The following SIDT1 variants were observed in gnomAD, a reference collection of about 807,000 sequenced individuals.
The protein encoded by SIDT1 is SID1 transmembrane family member 1, also known as SID1 transmembrane family, member 1.
A neutral mutation model predicts 107.5 loss-of-function variants in SIDT1; 101 were observed. The ratio of observed to expected loss-of-function variants is 0.94; its 90% CI spans 0.80 to 1.11. The LOEUF (loss-of-function observed/expected upper bound fraction) is 1.11. Ranked by LOEUF, SIDT1 falls within the 50% of genes least tolerant of loss-of-function variation. SIDT1 has a pLI of 0.00. For synonymous variants in SIDT1, 395 were observed against 398.2 expected (o/e 0.99, Z 0.10); for missense variants, 1,076 against 1,058.2 (o/e 1.02, Z -0.23).
At chr3:113,549,797 T>C (rs914432213) in intron 1 of SIDT1, among the ~76,000 whole-genome samples, 16 of 152,220 alleles carry the variant, frequency 1.1e-4, no homozygotes, top group African/African-American at 3.1e-4. Flanking sequence ...TGGTGATGTA[T>C]ATAAAAAGCT....
At chr3:113,550,081 C>A (rs1940043850) in intron 1 of SIDT1, among the ~76,000 whole-genome samples, 1 of 152,176 alleles carries the variant, frequency 6.6e-6, no homozygotes, top group Non-Finnish European at 1.5e-5. Context: ...GAAGCAGCCC[C>A]ACACCTGGTG....
chr3:113,566,335 T>G, intron 1 of SIDT1, 85 bp from the exon 2 acceptor site: 1 of 1,307,206 alleles, frequency 7.6e-7, no homozygotes, highest in Non-Finnish European at 1.1e-6. Flanking sequence ...TGTTTGTGTG[T>G]GTTTGTGTGT....
In SIDT1 at chr3:113,607,097, C is replaced by G; in HGVS notation, c.1461C>G (p.His487Gln). Residue 487 changes from histidine (H) to glutamine (Q), a missense_variant, in exon 15 of 25, where the codon CAC (histidine) becomes CAG (glutamine). His to Gln is a conservative substitution (Grantham distance 24). Coordinates refer to ENST00000264852, the MANE Select transcript of SIDT1 (RefSeq NM_017699.3). ...DICYYNFLCA[H>Q]PLGVLSAFNN... ...GTTACTACAACTTCCTCTGTGCTCA[C>G]CCCTTGGGCGTCCTGAGGTAAACCC... is the stretch of plus-strand genomic sequence containing the variant. 2 of 1,612,028 alleles carry G rather than the reference C, an allele frequency of 1.2e-6. No individual in the cohort carries two copies. Among genetic ancestry groups the G allele is most frequent in the Non-Finnish European group, 1.7e-6 (2 of 1,178,182 alleles).
rs146789035 is a variant in SIDT1, at chr3:113,624,929, A to G, written c.2308-1173A>G. Among the ~76,000 whole-genome samples the G allele has an allele frequency of 5.0e-3, 765 of 152,198 alleles. 23 individuals carry two copies. The highest frequency in any genetic ancestry group is 0.047 in the Admixed American group (712 of 15,280). On this transcript the variant is annotated intron_variant, in intron 23 of 24. Coordinates refer to ENST00000264852, the MANE Select transcript of SIDT1 (RefSeq NM_017699.3). ...GTTTGTAGGTGTATGTACATTGTCT[A>G]TGTAGATATGTGTATCATATTGTCT...
the SIDT1 span, among the ~76,000 whole-genome samples, chr3:113,635,668 C>A: frequency 6.6e-6 from 1 of 151,956 alleles, no homozygotes; most frequent in African/African-American, 2.4e-5. Flanking sequence ...AGATCAAGAC[C>A]ATCCTGGATA....
At chr3:113,537,852 G>A (rs1023263564) in intron 1 of SIDT1, among the ~76,000 whole-genome samples, 1 of 152,120 alleles carries the variant, frequency 6.6e-6, no homozygotes, top group Non-Finnish European at 1.5e-5. Flanking sequence ...GCACGATCTC[G>A]GCTCATTGCA....
At chr3:113,535,483 TA>T (rs1938037327) in intron 1 of SIDT1, among the ~76,000 whole-genome samples, 2 of 152,238 alleles carry the variant, frequency 1.3e-5, no homozygotes, top group Admixed American at 1.3e-4. Context: ...ATTTGGTTTT[TA>T]TAAAAACACA....
chr3:113,544,574 G>C (rs1354123690), intron 1 of SIDT1, among the ~76,000 whole-genome samples: 2 of 152,118 alleles, frequency 1.3e-5, no homozygotes, highest in Non-Finnish European at 2.9e-5. Flanking sequence ...CATTTTTGAA[G>C]AGTATAGCCA....
chr3:113,570,306 C>T (rs771172821), intron 3 of SIDT1, among the ~76,000 whole-genome samples: 2 of 152,218 alleles, frequency 1.3e-5, no homozygotes, highest in Non-Finnish European at 2.9e-5. Flanking sequence ...TGTTACAGTA[C>T]TTGCACAGAG....
intron 1 of SIDT1, among the ~76,000 whole-genome samples, chr3:113,557,477 A>G (rs937701390): frequency 6.6e-6 from 1 of 152,168 alleles, no homozygotes; most frequent in Non-Finnish European, 1.5e-5. Flanking sequence ...GAAGAGGGAA[A>G]TTTGGACACA....
At position 113,585,225 on chromosome 3, in the gene SIDT1, CCTT is replaced by C. The variant is rs745699181; in HGVS notation, c.959_961del (p.Phe320del). Reference sequence around the variant, plus strand: ...CTTTTCAGTGTCTTCATCTTCCTGTCCTTCTACTTGGGATGCCTTCTTGTTGGG... The same window carrying C: ...CTTTTCAGTGTCTTCATCTTCCTGTCCTACTTGGGATGCCTTCTTGTTGGG... On this transcript the variant is annotated inframe_deletion, in exon 9 of 25. Coordinates refer to ENST00000264852, the MANE Select transcript of SIDT1 (RefSeq NM_017699.3). 1 of 1,613,506 alleles carries C rather than the reference CCTT, an allele frequency of 6.2e-7. No individual in the cohort carries two copies. Among genetic ancestry groups the C allele is most frequent in the African/African-American group, 1.3e-5 (1 of 74,824 alleles).
Position 113,533,246 on chromosome 3 carries a change from A to G in SIDT1, c.222+3A>G. 1 of 1,460,298 alleles carries G rather than the reference A, an allele frequency of 6.8e-7. No homozygotes were observed. Among genetic ancestry groups the G allele is most frequent in the Non-Finnish European group, 9.1e-7 (1 of 1,099,970 alleles). The allele number at this position is 1,460,298 out of a possible 1,614,324, so 90.5% of individuals were successfully genotyped here. A position where few individuals can be genotyped will look rare whatever the true frequency, so the allele number is the denominator to read the frequency against. ...ACTACACCAGCCAGCCCGACCAGGTAAGACACTCGCTCCCCTCGCTCGACT... is the reference window on the plus strand; with the variant it reads ...ACTACACCAGCCAGCCCGACCAGGTGAGACACTCGCTCCCCTCGCTCGACT... On this transcript the variant is annotated splice_donor_region_variant and intron_variant, in intron 1 of 24. Coordinates refer to ENST00000264852, the MANE Select transcript of SIDT1 (RefSeq NM_017699.3).
intron 19 of SIDT1, chr3:113,615,103 G>A: frequency 6.5e-7 from 1 of 1,535,388 alleles, no homozygotes; most frequent in East Asian, 2.4e-5. Context: ...CCTTTCCAGG[G>A]GTCTAGATTG....
chr3:113,562,883 A>G (rs924200473), intron 1 of SIDT1, among the ~76,000 whole-genome samples: 1 of 152,250 alleles, frequency 6.6e-6, no homozygotes, highest in African/African-American at 2.4e-5. Flanking sequence ...TAAGTGATAA[A>G]AGAAATGGCC....
Position 113,612,072 on chromosome 3 carries a change from A to C in SIDT1, c.1858-14A>C. On this transcript the variant is annotated splice_polypyrimidine_tract_variant and intron_variant, in intron 18 of 24. Transcript: ENST00000264852. The stretch of plus-strand genomic sequence containing the variant: ...AAAACCTCAGATGAAGGTAACTTCC[A>C]TCTTTACTCCTAGGTGTTTGGAAAA... The C allele has an allele frequency of 6.2e-7, 1 of 1,600,910 alleles. No individual in the cohort carries two copies. The highest frequency in any genetic ancestry group is 8.6e-7 in the Non-Finnish European group (1 of 1,168,126).
intron 4 of SIDT1, among the ~76,000 whole-genome samples, chr3:113,577,658 C>A (rs1368657800): frequency 6.6e-6 from 1 of 152,154 alleles, no homozygotes; most frequent in African/African-American, 2.4e-5. Flanking sequence ...CTTCTGAAGA[C>A]AAAACTCTAT....
intron 4 of SIDT1, among the ~76,000 whole-genome samples, chr3:113,577,996 A>G (rs1195974692): frequency 2.0e-5 from 3 of 152,174 alleles, no homozygotes; most frequent in Non-Finnish European, 4.4e-5. Flanking sequence ...ACCAACTCCA[A>G]TCCACTTTTA....
chr3:113,592,002 C>A (rs1944193537), intron 9 of SIDT1, among the ~76,000 whole-genome samples: 1 of 152,146 alleles, frequency 6.6e-6, no homozygotes, highest in Non-Finnish European at 1.5e-5. Flanking sequence ...CATGGATGAA[C>A]CTTGAAAACG....
chr3:113,541,930 T>C (rs1344519062), intron 1 of SIDT1, among the ~76,000 whole-genome samples: 1 of 150,636 alleles, frequency 6.6e-6, no homozygotes, highest in Non-Finnish European at 1.5e-5. Flanking sequence ...TCTTTCTTTT[T>C]TTTTTTTTTT....
Sources: allele counts gnomAD v4.1 joint callset (sites outside exome capture counted in the v4.1 genomes callset), GRCh38; gene constraint gnomAD v4.1.1; transcripts MANE v1.5; gene names NCBI Gene and HGNC (gene_info 2026-07-23, HGNC 2026-07-21).